Variants in DCC observed in about 807,000 individuals in gnomAD.
DCC encodes the protein DCC netrin 1 receptor.
DCC carries 58 observed loss-of-function variants against 172.5 expected under a neutral mutation model. The ratio of observed to expected loss-of-function variants is 0.34; its 90% confidence interval spans 0.27 to 0.42. DCC has a LOEUF of 0.42. Ranked by LOEUF, DCC falls within the 10% of genes least tolerant of loss-of-function variation. The pLI, the probability that DCC is intolerant of heterozygous loss-of-function variation, is 1.00. For missense variants in DCC, 1,740 were observed against 1,791.0 expected (o/e 0.97, Z 0.51); for synonymous variants, 709 against 644.5 (o/e 1.10, Z -1.52).
At chr18:53,145,834 T>G (rs1216625338) in intron 7 of DCC, among the ~76,000 whole-genome samples, 1 of 152,204 alleles carries the variant, frequency 6.6e-6, no homozygotes, top group Non-Finnish European at 1.5e-5. Flanking sequence ...CATAGCTTGA[T>G]AGAGCCTTAG....
intron 5 of DCC, among the ~76,000 whole-genome samples, chr18:52,949,311 G>T (rs2040598260): frequency 6.6e-6 from 1 of 152,120 alleles, no homozygotes; most frequent in Non-Finnish European, 1.5e-5. Context: ...CAGCCGGAAA[G>T]CAAATACACA....
chr18:52,806,456 C>A (rs532064432), intron 2 of DCC, among the ~76,000 whole-genome samples: 6 of 152,110 alleles, frequency 3.9e-5, no homozygotes, highest in Admixed American at 2.6e-4. Context: ...GGGTCTTTAC[C>A]TTTTTAGTGC....
At chr18:52,546,439 T>C (rs767206813) in intron 1 of DCC, among the ~76,000 whole-genome samples, 1 of 152,120 alleles carries the variant, frequency 6.6e-6, no homozygotes, top group Non-Finnish European at 1.5e-5. Context: ...CCAGAGCTTA[T>C]GAAGTAGATT....
intron 1 of DCC, among the ~76,000 whole-genome samples, chr18:52,675,060 G>C (rs1402510366): frequency 3.3e-5 from 5 of 151,786 alleles, no homozygotes. Flanking sequence ...TTGTTTGTTT[G>C]TCTGTCTGTT....
intron 1 of DCC, among the ~76,000 whole-genome samples, chr18:52,344,682 T>C (rs1983803794): frequency 6.6e-6 from 1 of 152,182 alleles, no homozygotes; most frequent in South Asian, 2.1e-4. Flanking sequence ...CTGAACAGAA[T>C]ATTTCTTTCC....
At chr18:53,224,689 G>C (rs2055997083) in intron 12 of DCC, among the ~76,000 whole-genome samples, 1 of 152,114 alleles carries the variant, frequency 6.6e-6, no homozygotes, top group African/African-American at 2.4e-5. Context: ...TTGGTTATTG[G>C]ATTATAGGGC....
At chr18:52,678,123 C>A (rs527489241) in intron 1 of DCC, among the ~76,000 whole-genome samples, 1 of 152,278 alleles carries the variant, frequency 6.6e-6, no homozygotes, top group African/African-American at 2.4e-5. Flanking sequence ...ACTGATCAGC[C>A]TTTGCCCTTT....
intron 12 of DCC, among the ~76,000 whole-genome samples, chr18:53,239,182 TTAAAA>T (rs1317060270): frequency 6.8e-6 from 1 of 146,158 alleles, no homozygotes; most frequent in Non-Finnish European, 1.5e-5. Context: ...ACCCTAGAAC[TTAAAA>T]TATAATAATA....
At chr18:53,228,666 T>C (rs1337501987) in intron 12 of DCC, among the ~76,000 whole-genome samples, 1 of 152,134 alleles carries the variant, frequency 6.6e-6, no homozygotes, top group Admixed American at 6.6e-5. Flanking sequence ...CTGACTATAC[T>C]TAACTTTGAT....
At chr18:52,665,777 T>C (rs1025699175) in intron 1 of DCC, among the ~76,000 whole-genome samples, 1 of 152,212 alleles carries the variant, frequency 6.6e-6, no homozygotes, top group African/African-American at 2.4e-5. Flanking sequence ...TGAACAGTAA[T>C]TTTTATTTAT....
At chr18:53,311,269 G>T (rs2144798568) in intron 13 of DCC, among the ~76,000 whole-genome samples, 1 of 152,128 alleles carries the variant, frequency 6.6e-6, no homozygotes, top group African/African-American at 2.4e-5. Flanking sequence ...TTACAGGCAT[G>T]CACCACCACA....
intron 2 of DCC, among the ~76,000 whole-genome samples, chr18:52,804,599 GCT>G (rs1414030043): frequency 1.3e-5 from 2 of 152,138 alleles, no homozygotes; most frequent in Non-Finnish European, 2.9e-5. Context: ...ACGGAGTCTT[GCT>G]CTGTCACCAG....
intron 1 of DCC, among the ~76,000 whole-genome samples, chr18:52,638,903 G>A (rs958163641): frequency 1.3e-5 from 2 of 152,010 alleles, no homozygotes; most frequent in South Asian, 2.1e-4. Context: ...CAGAATACAC[G>A]TTCTATTTAA....
chr18:52,954,148 G>A (rs1053816140), intron 5 of DCC, among the ~76,000 whole-genome samples: 1 of 151,970 alleles, frequency 6.6e-6, no homozygotes, highest in African/African-American at 2.4e-5. Context: ...TCGTATTGCT[G>A]GCATACTCTC....
intron 1 of DCC, among the ~76,000 whole-genome samples, chr18:52,537,464 T>G (rs2032319130): frequency 6.6e-6 from 1 of 152,178 alleles, no homozygotes; most frequent in South Asian, 2.1e-4. Flanking sequence ...ACAGCGCCTG[T>G]TGAGGCTGCT....
intron 6 of DCC, 194 bp downstream of exon 6, chr18:53,063,653 T>G: frequency 1.8e-6 from 1 of 554,052 alleles, no homozygotes; most frequent in Non-Finnish European, 3.2e-6. Context: ...GATCAAAGAA[T>G]TCAGCCCCCT....
intron 14 of DCC, among the ~76,000 whole-genome samples, chr18:53,331,371 G>A (rs8087757): frequency 0.044 from 6,691 of 152,254 alleles, 476 homozygotes; most frequent in African/African-American, 0.15. Flanking sequence ...AAGGTTTACG[G>A]TTTGAATGGC....
At chr18:53,191,138 G>A (rs1334835008) in intron 9 of DCC, among the ~76,000 whole-genome samples, 1 of 152,086 alleles carries the variant, frequency 6.6e-6, no homozygotes, top group Admixed American at 6.6e-5. Flanking sequence ...GCCTTGCAGT[G>A]AAATAAAAAA....
intron 9 of DCC, among the ~76,000 whole-genome samples, chr18:53,196,248 G>A (rs2055441447): frequency 6.6e-6 from 1 of 152,124 alleles, no homozygotes; most frequent in South Asian, 2.1e-4. Flanking sequence ...AGTTGCATTT[G>A]ACATTACTTA....
Sources: allele counts gnomAD v4.1 joint callset (sites outside exome capture counted in the v4.1 genomes callset), GRCh38; gene constraint gnomAD v4.1.1; transcripts MANE v1.5; gene names NCBI Gene and HGNC (gene_info 2026-07-23, HGNC 2026-07-21).